The following EBF3 variants were observed in gnomAD, a reference collection of about 807,000 sequenced individuals.
The protein encoded by EBF3 is transcription factor COE3.
EBF3 carries 18 observed loss-of-function variants against 77.1 expected under a neutral mutation model. That is an observed-to-expected ratio of 0.23 (90% CI 0.16 to 0.35). EBF3 has a LOEUF of 0.35. EBF3 is among the 10% of genes least tolerant of loss of function. The pLI, the probability that EBF3 is intolerant of heterozygous loss-of-function variation, is 1.00. For synonymous variants in EBF3, 350 were observed against 343.5 expected (o/e 1.02, Z -0.21); for missense variants, 558 against 860.0 (o/e 0.65, Z 4.39).
chr10:129,949,089 G>A (rs1251542001), intron 6 of EBF3, among the ~76,000 whole-genome samples: 1 of 152,068 alleles, frequency 6.6e-6, no homozygotes, highest in East Asian at 1.9e-4. Context: ...ACCTGAGGTC[G>A]GGAGTTCAAG....
intron 6 of EBF3, among the ~76,000 whole-genome samples, chr10:129,953,050 G>A (rs1589948954): frequency 6.7e-6 from 1 of 148,814 alleles, no homozygotes; most frequent in Admixed American, 6.7e-5. Flanking sequence ...AAAAAAAGAA[G>A]AAGAAGAAGA....
intron 6 of EBF3, among the ~76,000 whole-genome samples, chr10:129,953,056 GAAGA>G (rs1049616348): frequency 4.0e-5 from 6 of 149,446 alleles, no homozygotes; most frequent in South Asian, 2.1e-4. Flanking sequence ...AGAAGAAGAA[GAAGA>G]AAGAAAGAAA....
intron 6 of EBF3, among the ~76,000 whole-genome samples, chr10:129,887,467 C>A (rs185822877): frequency 6.6e-6 from 1 of 152,286 alleles, no homozygotes; most frequent in Non-Finnish European, 1.5e-5. Context: ...AAGAGGCAAC[C>A]TTTCTGCCTG....
chr10:129,852,480 G>A (rs1281284156), intron 10 of EBF3, among the ~76,000 whole-genome samples: 2 of 152,202 alleles, frequency 1.3e-5, no homozygotes, highest in African/African-American at 4.8e-5. Context: ...GTACCGGCGG[G>A]CAGGAGGCAC....
At chr10:129,895,787 A>AC (rs11375648) in intron 6 of EBF3, among the ~76,000 whole-genome samples, 58,336 of 152,088 alleles carry the variant, frequency 0.38, 12,548 homozygotes, top group African/African-American at 0.59. Context: ...CAAGGACATG[A>AC]CACAGATTAT....
Position 129,848,730 on chromosome 10 carries a change from A to G in EBF3, c.1040-250T>C, listed in dbSNP as rs1309312426. Among the ~76,000 whole-genome samples, 1 of 152,208 alleles carries G rather than the reference A, an allele frequency of 6.6e-6. No individual in the cohort carries two copies. The highest frequency in any genetic ancestry group is 2.4e-5 in the African/African-American group (1 of 41,450). On this transcript the variant is annotated intron_variant, in intron 10 of 16. Transcript: ENST00000440978. The surrounding 1 kb of genome is among the most constrained non-coding windows in gnomAD (Gnocchi z 4.4). The stretch of plus-strand genomic sequence containing the variant: ...AAGGGTGACTCAATATATTGTAAAA[A>G]TGGTAGTGCAGTCACAAAGTTACAG...
At chr10:129,936,682 TGGGGAACTAGGAGCTGTGG>T (rs1857384638) in intron 6 of EBF3, among the ~76,000 whole-genome samples, 1 of 126,936 alleles carries the variant, frequency 7.9e-6, no homozygotes, top group Admixed American at 8.2e-5. Context: ...GCAGCCTGTG[TGGGGAACTAGGAGCTGTGG>T]GGGGACCCTC....
intron 10 of EBF3, among the ~76,000 whole-genome samples, chr10:129,852,754 C>T (rs1030021717): frequency 6.6e-6 from 1 of 152,164 alleles, no homozygotes. Context: ...ACGTTTGGGG[C>T]CAGTGAGCAC....
chr10:129,963,123 G>T lies in EBF3; in HGVS notation c.292-118C>A. On this transcript the variant is annotated intron_variant, in intron 2 of 16. Coordinates refer to ENST00000440978, the MANE Select transcript of EBF3 (RefSeq NM_001375380.1). This position sits in a 1 kb window ranked among gnomAD's most constrained non-coding sequence, Gnocchi z 7.1. ...TCACACATGGCAGGATTCCTAGCTC[G>T]AAGCAGCGCGGTGATGTCACTTTCC... 7.4e-7 allele frequency: 1 copy of T among 1,355,184 alleles called. No homozygotes were observed. The highest frequency in any genetic ancestry group is 1.0e-6 in the Non-Finnish European group (1 of 952,694). The allele number at this position is 1,355,184 out of a possible 1,614,324, so 83.9% of individuals were successfully genotyped here.
Position 129,951,592 on chromosome 10 carries a change from T to G in EBF3, c.554+5666A>C, listed in dbSNP as rs576533540. Among the ~76,000 whole-genome samples, 119 of 152,368 alleles carry G rather than the reference T, an allele frequency of 7.8e-4. 1 individual carries two copies. Among genetic ancestry groups the G allele is most frequent in the Non-Finnish European group, 1.4e-3 (92 of 68,036 alleles). ...CTTGTTTTCAAACCCAGCCCTTGAC[T>G]GGCCTGGCGGTGGAGTCTTTACCCA... is the stretch of plus-strand genomic sequence containing the variant. On this transcript the variant is annotated intron_variant, in intron 6 of 16. Transcript: ENST00000440978.
chr10:129,858,847 A>T (rs1251005837), intron 10 of EBF3, among the ~76,000 whole-genome samples: 1 of 152,152 alleles, frequency 6.6e-6, no homozygotes, highest in African/African-American at 2.4e-5. Context: ...GAGTGCAGGG[A>T]GAGGGTGGCA....
rs756251829 is a variant in EBF3, at chr10:129,840,892, C to T, written c.1513G>A (p.Gly505Ser). ...SGAMASLGVPGSPGFLNGSSA... is the reference protein window; with the variant it reads ...SGAMASLGVPSSPGFLNGSSA... ...GAGCCATTAAGAAATCCAGGCGAGC[C>T]AGGGACCCCTAGACTGGCCATGGCG... is the stretch of plus-strand genomic sequence containing the variant. The change falls in exon 14 of 17, where the codon GGC becomes AGC. Residue 505 changes from glycine to serine, a missense_variant. Physicochemically the swap from Gly to Ser is moderately conservative, Grantham distance 56. Around this residue, in one of 5 missense-constraint regions of EBF3, gnomAD observed 284 missense variants for 368.3 expected, o/e 0.77. Coordinates refer to ENST00000440978, the MANE Select transcript of EBF3 (RefSeq NM_001375380.1). 1 of 1,614,048 alleles carries T rather than the reference C, an allele frequency of 6.2e-7. No homozygotes were observed. Among genetic ancestry groups the T allele is most frequent in the Non-Finnish European group, 8.5e-7 (1 of 1,179,970 alleles).
rs139585358 is a variant in EBF3 at position 129,897,234 on chromosome 10, C to A, written c.555-19385G>T. 1.2e-4 allele frequency among the ~76,000 whole-genome samples: 18 copies of A among 152,298 alleles called. No homozygotes were observed. The highest frequency in any genetic ancestry group is 2.1e-4 in the South Asian group (1 of 4,824). ...AGGAAGGGGTTCTGCTCTTCCTGTC[C>A]AAGTTCCTGGGGACACCTCTAGTCC... is the stretch of plus-strand genomic sequence containing the variant. On this transcript the variant is annotated intron_variant, in intron 6 of 16. Transcript: ENST00000440978. The surrounding 1 kb of genome is among the most constrained non-coding windows in gnomAD (Gnocchi z 4.6).
At chr10:129,954,422 C>A (rs1229572783) in intron 6 of EBF3, among the ~76,000 whole-genome samples, 1 of 145,006 alleles carries the variant, frequency 6.9e-6, no homozygotes, top group Non-Finnish European at 1.5e-5. Flanking sequence ...TCCCCCCCCC[C>A]TTTTTTTTTC....
intron 10 of EBF3, among the ~76,000 whole-genome samples, chr10:129,853,829 G>A (rs1851060114): frequency 6.6e-6 from 1 of 152,202 alleles, no homozygotes. Context: ...CTGAATCCAA[G>A]GGGGAAAAAT....
chr10:129,887,372 T>C (rs190538214), intron 6 of EBF3, among the ~76,000 whole-genome samples: 95 of 152,230 alleles, frequency 6.2e-4, no homozygotes, highest in Non-Finnish European at 1.2e-3. Context: ...TTACCGAGCA[T>C]AAAAAAGTAA....
At chr10:129,891,655 G>C (rs867673634) in intron 6 of EBF3, among the ~76,000 whole-genome samples, 1 of 152,150 alleles carries the variant, frequency 6.6e-6, no homozygotes, top group Non-Finnish European at 1.5e-5. Flanking sequence ...TACCAATACA[G>C]GGTCCCCAGC....
At chr10:129,873,126 A>T (rs1310574459) in intron 8 of EBF3, among the ~76,000 whole-genome samples, 1 of 152,234 alleles carries the variant, frequency 6.6e-6, no homozygotes, top group Non-Finnish European at 1.5e-5. Flanking sequence ...TCTGGGTATG[A>T]GCTTCTGGAT....
chr10:129,842,620 C>T lies in EBF3; in HGVS notation c.1195-327G>A, dbSNP rs1447445196. ...CTCTAATGAAAATACAAAAATTAGC[C>T]GGGTGTGTTGGCAAACGCCTGTAAT... is the stretch of plus-strand genomic sequence containing the variant. On this transcript the variant is annotated intron_variant, in intron 12 of 16. Coordinates refer to ENST00000440978, the MANE Select transcript of EBF3 (RefSeq NM_001375380.1). The surrounding 1 kb of genome is among the most constrained non-coding windows in gnomAD (Gnocchi z 4.4). Among the ~76,000 whole-genome samples, 5 of 152,128 alleles carry T rather than the reference C, an allele frequency of 3.3e-5. No homozygotes were observed. The highest frequency in any genetic ancestry group is 2.1e-4 in the South Asian group (1 of 4,804).
Sources: allele counts gnomAD v4.1 joint callset (sites outside exome capture counted in the v4.1 genomes callset), GRCh38; gene constraint gnomAD v4.1.1; regional missense constraint gnomAD v4.1.1; non-coding constraint Gnocchi (gnomAD v3.1); transcripts MANE v1.5; gene names NCBI Gene and HGNC (gene_info 2026-07-23, HGNC 2026-07-21).